The following C1orf185 variants were observed in gnomAD, a reference collection of about 807,000 sequenced individuals.
C1orf185 encodes uncharacterized protein C1orf185.
A neutral mutation model predicts 16.1 loss-of-function variants in C1orf185; 13 were observed. The observed-to-expected ratio is 0.81, with a 90% CI of 0.53 to 1.28. The LOEUF (loss-of-function observed/expected upper bound fraction) is 1.28, where lower values mean the gene tolerates loss of function less well. Among genes scored for constraint, C1orf185 ranks in the 50% most tolerant of loss-of-function variants. The pLI is 0.00. For missense variants in C1orf185, 220 were observed against 225.2 expected (o/e 0.98, Z 0.15); for synonymous variants, 80 against 76.9 (o/e 1.04, Z -0.21).
rs1646038057 is a variant in C1orf185 at position 51,102,353 on chromosome 1, T to C, written c.16+104T>C. 2.0e-5 allele frequency: 13 copies of C among 658,128 alleles called. No individual in the cohort carries two copies. In the South Asian group the frequency reaches 2.2e-4, roughly 11 times the overall value. 40.8% of individuals were successfully genotyped at this position (658,128 alleles called of 1,614,324 possible). A position where few individuals can be genotyped will look rare whatever the true frequency, so the allele number is the denominator to read the frequency against. On this transcript the variant is annotated intron_variant, in intron 1 of 4. Transcript: ENST00000371759. ...TCTATTTCTATTCTCTGGAAGAGCT[T>C]GTATAAGATAAGAAATACTTGAATC...
At chr1:51,116,381 T>C (rs1394751608) in intron 2 of C1orf185, among the ~76,000 whole-genome samples, 3 of 151,344 alleles carry the variant, frequency 2.0e-5, no homozygotes, top group Admixed American at 1.3e-4. Context: ...TGGTGTGATC[T>C]TGGCTCGCTG....
At chr1:51,122,210 T>C (rs530799527) in intron 3 of C1orf185, among the ~76,000 whole-genome samples, 2 of 152,330 alleles carry the variant, frequency 1.3e-5, no homozygotes, top group Admixed American at 6.5e-5. Context: ...ATGAAATCTT[T>C]ATAGAGGCTA....
chr1:51,150,001 TG>T (rs1422798945), downstream of C1orf185, among the ~76,000 whole-genome samples: 1 of 152,234 alleles, frequency 6.6e-6, no homozygotes, highest in African/African-American at 2.4e-5. Context: ...CTGTTGTTCT[TG>T]GCTTTGTTAA....
intron 3 of C1orf185, among the ~76,000 whole-genome samples, chr1:51,140,231 T>G (rs1270722403): frequency 6.6e-6 from 1 of 152,192 alleles, no homozygotes; most frequent in African/African-American, 2.4e-5. Flanking sequence ...TTTCTGTTTG[T>G]GCAAATTACA....
chr1:51,128,394 A>G (rs923452931), intron 3 of C1orf185, among the ~76,000 whole-genome samples: 2 of 124,650 alleles, frequency 1.6e-5, no homozygotes, highest in Admixed American at 1.4e-4. Flanking sequence ...AATTTTAGCT[A>G]TTTTAGTGGG....
chr1:51,129,241 A>G (rs947849462), intron 3 of C1orf185, among the ~76,000 whole-genome samples: 9 of 152,090 alleles, frequency 5.9e-5, no homozygotes, highest in African/African-American at 2.2e-4. Context: ...CCTGGCCTCA[A>G]GTGATCCTCC....
intron 2 of C1orf185, among the ~76,000 whole-genome samples, chr1:51,117,869 A>G (rs1171807022): frequency 6.6e-6 from 1 of 152,118 alleles, no homozygotes; most frequent in Non-Finnish European, 1.5e-5. Context: ...TGGATAAGAA[A>G]AGATTACGGT....
chr1:51,106,296 T>A (rs1307987644), intron 1 of C1orf185, among the ~76,000 whole-genome samples: 1 of 152,152 alleles, frequency 6.6e-6, no homozygotes, highest in East Asian at 1.9e-4. Context: ...ATTGTACCTA[T>A]AAGCCCTTAC....
downstream of C1orf185, among the ~76,000 whole-genome samples, chr1:51,148,440 T>C (rs1305343131): frequency 6.6e-6 from 1 of 152,134 alleles, no homozygotes; most frequent in East Asian, 1.9e-4. Flanking sequence ...AATATATATT[T>C]TTGAATAAAA....
At chr1:51,123,825 T>A (rs982236985) in intron 3 of C1orf185, among the ~76,000 whole-genome samples, 1 of 152,146 alleles carries the variant, frequency 6.6e-6, no homozygotes, top group Non-Finnish European at 1.5e-5. Flanking sequence ...CTGTTCGATC[T>A]TTCATTCATT....
At chr1:51,143,786 C>G (rs1328410255) in intron 3 of C1orf185, among the ~76,000 whole-genome samples, 2 of 152,216 alleles carry the variant, frequency 1.3e-5, no homozygotes, top group Admixed American at 6.5e-5. Flanking sequence ...CCTCAACCCC[C>G]AGAGTAGCTG....
chr1:51,131,352 C>T (rs1322106073), intron 3 of C1orf185, among the ~76,000 whole-genome samples: 2 of 152,222 alleles, frequency 1.3e-5, no homozygotes, highest in Admixed American at 1.3e-4. Flanking sequence ...AATTCTTCTC[C>T]TGTCTATGGC....
intron 3 of C1orf185, 145 bp downstream of exon 3, chr1:51,118,946 A>C (rs1646178264): frequency 3.2e-6 from 2 of 615,616 alleles, no homozygotes; most frequent in Admixed American, 8.2e-5. Context: ...TTTATACTAT[A>C]GGAAAACTGA....
At chr1:51,127,293 T>C (rs1040552067) in intron 3 of C1orf185, among the ~76,000 whole-genome samples, 15 of 152,222 alleles carry the variant, frequency 9.9e-5, no homozygotes, top group African/African-American at 3.1e-4. Context: ...TTTTGTCATT[T>C]TTTTTTTTGT....
At chr1:51,129,715 T>A (rs1646269288) in intron 3 of C1orf185, 1 of 152,358 alleles carries the variant, frequency 6.6e-6, no homozygotes, top group East Asian at 1.9e-4. Context: ...AAGATCCGGT[T>A]CTGGTGAAGG....
intron 3 of C1orf185, among the ~76,000 whole-genome samples, chr1:51,126,037 G>T (rs1239743802): frequency 6.6e-6 from 1 of 151,932 alleles, no homozygotes; most frequent in Non-Finnish European, 1.5e-5. Context: ...TTCTTAATTG[G>T]GTCCCTGTTC....
intron 3 of C1orf185, among the ~76,000 whole-genome samples, chr1:51,134,971 G>A (rs970845809): frequency 1.3e-5 from 2 of 151,972 alleles, no homozygotes; most frequent in East Asian, 3.9e-4. Context: ...AAATTAAGGA[G>A]GAGGGACTCC....
chr1:51,118,079 A>G (rs1254889871), intron 2 of C1orf185, among the ~76,000 whole-genome samples: 5 of 151,974 alleles, frequency 3.3e-5, no homozygotes, highest in Admixed American at 3.3e-4. Flanking sequence ...ATGCCCAGCT[A>G]ATTTTTTTGT....
chr1:51,149,206 A>T (rs1646418718), downstream of C1orf185, among the ~76,000 whole-genome samples: 1 of 152,216 alleles, frequency 6.6e-6, no homozygotes, highest in East Asian at 1.9e-4. Flanking sequence ...CGACTCATTA[A>T]CAAGTATATT....
Sources: gnomAD v4.1 joint callset for allele counts (sites outside exome capture counted in the v4.1 genomes callset) on GRCh38, gnomAD v4.1.1 for gene constraint, MANE v1.5 for transcripts, NCBI Gene and HGNC (gene_info 2026-07-23, HGNC 2026-07-21) for gene names.